PLCE1: variants seen among roughly 807,000 people sequenced by gnomAD.
PLCE1 encodes the protein 1-phosphatidylinositol 4,5-bisphosphate phosphodiesterase epsilon-1.
PLCE1 carries 119 observed loss-of-function variants against 242.8 expected under a neutral mutation model. That is an observed-to-expected ratio of 0.49 (90% CI 0.42 to 0.57). The LOEUF (loss-of-function observed/expected upper bound fraction) is 0.57, where lower values mean the gene tolerates loss of function less well. Among genes scored for constraint, PLCE1 ranks in the 20% least tolerant of loss-of-function variants. The pLI is 0.00. For synonymous variants in PLCE1, 945 were observed against 1,017.4 expected, an observed-to-expected ratio of 0.93 and a Z score of 1.35; for missense variants, 2,441 against 2,788.8, an observed-to-expected ratio of 0.88 and a Z score of 2.81.
At chr10:94,172,532 A>G (rs2048016904) in intron 4 of PLCE1, among the ~76,000 whole-genome samples, 1 of 152,172 alleles carries the variant, frequency 6.6e-6, no homozygotes, top group African/African-American at 2.4e-5. Context: ...CCTGTGTTAC[A>G]TAAACACTTT....
At chr10:94,261,245 C>T (rs975690309) in intron 13 of PLCE1, among the ~76,000 whole-genome samples, 1 of 152,152 alleles carries the variant, frequency 6.6e-6, no homozygotes, top group African/African-American at 2.4e-5. Context: ...TGGAATCACA[C>T]AGTACATAGC....
At position 94,235,938 on chromosome 10, in the gene PLCE1, A is replaced by C; in HGVS notation, c.2238A>C (p.Gln746His). Reference protein sequence around the residue: ...TLEFVADYSGQDNFLQRVGQN... With the variant: ...TLEFVADYSGHDNFLQRVGQN... ...AGTTTGTAGCAGATTACAGTGGACA[A>C]GATAATTTCTTACAACGAGTGGGAC... Residue 746 changes from glutamine to histidine, a missense_variant, in exon 7 of 33, where the codon CAA becomes CAC. Gln to His is a conservative substitution (Grantham distance 24, BLOSUM62 0). Coordinates refer to ENST00000371380, the MANE Select transcript of PLCE1 (RefSeq NM_016341.4). The C allele has an allele frequency of 6.2e-7, 1 of 1,613,970 alleles. No individual in the cohort carries two copies. The highest frequency in any genetic ancestry group is 1.3e-5 in the African/African-American group (1 of 75,034).
At chr10:94,302,868 G>A (rs888768589) in intron 24 of PLCE1, among the ~76,000 whole-genome samples, 1 of 152,212 alleles carries the variant, frequency 6.6e-6, no homozygotes, top group African/African-American at 2.4e-5. Flanking sequence ...TGTTAGTACT[G>A]TATGTCCATT....
intron 3 of PLCE1, among the ~76,000 whole-genome samples, chr10:94,162,060 G>A (rs910275225): frequency 3.3e-5 from 5 of 152,178 alleles, no homozygotes; most frequent in African/African-American, 9.7e-5. Context: ...CGGTTTGCCA[G>A]TATTTTATTG....
chr10:94,007,859 T>C (rs1161025837), intron 1 of PLCE1, among the ~76,000 whole-genome samples: 1 of 151,758 alleles, frequency 6.6e-6, no homozygotes. Flanking sequence ...GAGTTCATAC[T>C]ATGTTTTGTT....
rs767642189 is a variant in PLCE1 at position 94,246,634 on chromosome 10, G to A, written c.3096+13G>A. 1 of 1,610,786 alleles carries A rather than the reference G, an allele frequency of 6.2e-7. No individual in the cohort carries two copies. The highest frequency in any genetic ancestry group is 1.3e-5 in the African/African-American group (1 of 75,024). ...CAGCCTTTATCAGGTAAGGGGTGCA[G>A]CCATCCCTCTTTCCTCACTGGCATA... On this transcript the variant is annotated intron_variant, in intron 8 of 32. Transcript: ENST00000371380.
Position 94,265,641 on chromosome 10 carries a change from T to C in PLCE1, c.4054-6T>C. The C allele has an allele frequency of 6.2e-7, 1 of 1,612,812 alleles. No individual in the cohort carries two copies. Among genetic ancestry groups the C allele is most frequent in the Non-Finnish European group, 8.5e-7 (1 of 1,178,884 alleles). On this transcript the variant is annotated splice_region_variant and splice_polypyrimidine_tract_variant and intron_variant, in intron 14 of 32. Coordinates refer to ENST00000371380, the MANE Select transcript of PLCE1 (RefSeq NM_016341.4). ...AAATAACACTTTTTTTTTTAATCCCTTGCAGAAGTTCGAGCCTAGCATCAG... is the reference window on the plus strand; with the variant it reads ...AAATAACACTTTTTTTTTTAATCCCCTGCAGAAGTTCGAGCCTAGCATCAG...
chr10:94,306,321 T>A lies in PLCE1; in HGVS notation c.5623-106T>A. 1 of 1,573,652 alleles carries A rather than the reference T, an allele frequency of 6.4e-7. No homozygotes were observed. Among genetic ancestry groups the A allele is most frequent in the Non-Finnish European group, 8.7e-7 (1 of 1,144,354 alleles). On this transcript the variant is annotated intron_variant, in intron 25 of 32. Coordinates refer to ENST00000371380, the MANE Select transcript of PLCE1 (RefSeq NM_016341.4). This position sits in a 1 kb window ranked among gnomAD's most constrained non-coding sequence, Gnocchi z 5.7. ...TTTATTCATCATTCACTTTGTCCAT[T>A]CCAGTGTTCTTGGGATTCCTTTGCA...
chr10:94,088,209 G>A (rs1441633296), intron 2 of PLCE1: 2 of 152,220 alleles, frequency 1.3e-5, no homozygotes, highest in Non-Finnish European at 2.9e-5. Flanking sequence ...ACCCTATAGG[G>A]TTGTTGTGAA....
chr10:94,065,349 C>A (rs1164886597), intron 2 of PLCE1, among the ~76,000 whole-genome samples: 1 of 152,224 alleles, frequency 6.6e-6, no homozygotes, highest in African/African-American at 2.4e-5. Flanking sequence ...ATGTATGACA[C>A]TTGCTCTATG....
At chr10:94,320,335 A>AAAAT (rs758502989) in intron 29 of PLCE1, among the ~76,000 whole-genome samples, 5 of 151,878 alleles carry the variant, frequency 3.3e-5, no homozygotes, top group Non-Finnish European at 5.9e-5. Context: ...GAAAAAAGTT[A>AAAAT]AAATAGATTA....
At chr10:94,112,256 T>C (rs559391754) in intron 2 of PLCE1, among the ~76,000 whole-genome samples, 14 of 152,210 alleles carry the variant, frequency 9.2e-5, no homozygotes, top group Non-Finnish European at 1.5e-4. Context: ...GTGATTCAGA[T>C]TGAATATTAA....
At chr10:94,052,776 G>A (rs936247780) in intron 2 of PLCE1, among the ~76,000 whole-genome samples, 17 of 152,000 alleles carry the variant, frequency 1.1e-4, no homozygotes, top group African/African-American at 3.4e-4. Flanking sequence ...CTAGTTAACC[G>A]GTAGTTCCCT....
rs567144884 is a variant in PLCE1 at position 94,225,729 on chromosome 10, T to C, written c.1810-1577T>C. 1.4e-4 allele frequency among the ~76,000 whole-genome samples: 21 copies of C among 152,338 alleles called. No homozygotes were observed. In the South Asian group the frequency reaches 4.4e-3, roughly 32 times the overall value. On this transcript the variant is annotated intron_variant, in intron 4 of 32. Transcript: ENST00000371380. The stretch of plus-strand genomic sequence containing the variant: ...TTGACATCAACAAGAATTGTGACCT[T>C]GAAAAGTCACTTCTCCCATGAGCCA...
chr10:94,038,283 C>T (rs764017192), intron 2 of PLCE1, among the ~76,000 whole-genome samples: 11 of 152,094 alleles, frequency 7.2e-5, no homozygotes, highest in Non-Finnish European at 1.6e-4. Context: ...ACCCCCACGA[C>T]TAGACTAACT....
intron 25 of PLCE1, among the ~76,000 whole-genome samples, chr10:94,305,256 CCT>C (rs1252706121): frequency 6.6e-6 from 1 of 152,100 alleles, no homozygotes; most frequent in Non-Finnish European, 1.5e-5. Context: ...ATGGCAAAAC[CCT>C]GTTTCTACAA....
intron 4 of PLCE1, among the ~76,000 whole-genome samples, chr10:94,201,761 GA>G (rs573258754): frequency 2.0e-5 from 3 of 152,176 alleles, no homozygotes; most frequent in Non-Finnish European, 4.4e-5. Context: ...TTACAGGCGT[GA>G]GCCACCACGC....
At chr10:94,251,865 C>T (rs570593708) in intron 8 of PLCE1, among the ~76,000 whole-genome samples, 10 of 152,220 alleles carry the variant, frequency 6.6e-5, no homozygotes, top group African/African-American at 2.2e-4. Flanking sequence ...ATTTCAAGTC[C>T]GACTGTCCCA....
intron 22 of PLCE1, among the ~76,000 whole-genome samples, chr10:94,289,090 T>C (rs1002427278): frequency 5.9e-5 from 9 of 152,136 alleles, no homozygotes; most frequent in African/African-American, 2.2e-4. Flanking sequence ...TGAGAGGGCT[T>C]GGAACAGAAC....
Sources: gnomAD v4.1 joint callset for allele counts (sites outside exome capture counted in the v4.1 genomes callset) on GRCh38, gnomAD v4.1.1 for gene constraint, Gnocchi (gnomAD v3.1) non-coding constraint, MANE v1.5 for transcripts, NCBI Gene and HGNC (gene_info 2026-07-23, HGNC 2026-07-21) for gene names.